The following NUP205 variants were observed in gnomAD, a reference collection of about 807,000 sequenced individuals.
The protein encoded by NUP205 is nucleoporin 205.
In NUP205, 76 loss-of-function variants were observed where a neutral mutation model predicts 253.8. The observed-to-expected ratio is 0.30, with a 90% CI of 0.25 to 0.36. NUP205 has a LOEUF of 0.36. Among genes scored for constraint, NUP205 ranks in the 10% least tolerant of loss-of-function variants. NUP205 has a pLI of 1.00. For missense variants in NUP205, 2,162 were observed against 2,425.5 expected (o/e 0.89, Z 2.28); for synonymous variants, 832 against 850.1 (o/e 0.98, Z 0.37).
intron 27 of NUP205, 49 bp from the exon 28 acceptor site, chr7:135,618,363 T>C: frequency 6.8e-7 from 1 of 1,472,006 alleles, no homozygotes; most frequent in Non-Finnish European, 9.5e-7. Flanking sequence ...GACAGATAAC[T>C]GATCTTATTT....
At chr7:135,600,001 A>C (rs1793929974) in intron 15 of NUP205, among the ~76,000 whole-genome samples, 1 of 152,186 alleles carries the variant, frequency 6.6e-6, no homozygotes, top group Non-Finnish European at 1.5e-5. Context: ...ACAGTGAATA[A>C]TATAAAAATA....
chr7:135,560,352 C>G lies in NUP205; in HGVS notation c.28+2380C>G, dbSNP rs144445442. Among the ~76,000 whole-genome samples the G allele has an allele frequency of 1.5e-3, 230 of 152,224 alleles. 1 individual carries two copies. The highest frequency in any genetic ancestry group is 5.1e-3 in the African/African-American group (212 of 41,530). Reference sequence around the variant, plus strand: ...AAGCTATTATAATTATTAAACAAATCATTGGAGGGAAAAGGAGTTGCCAAC... The same window carrying G: ...AAGCTATTATAATTATTAAACAAATGATTGGAGGGAAAAGGAGTTGCCAAC... On this transcript the variant is annotated intron_variant, in intron 1 of 42. Transcript: ENST00000285968.
chr7:135,641,347 G>A (rs1794912037), intron 38 of NUP205, among the ~76,000 whole-genome samples: 1 of 152,212 alleles, frequency 6.6e-6, no homozygotes, highest in Admixed American at 6.5e-5. Flanking sequence ...ACAATGTATT[G>A]TGAAAACTGT....
intron 31 of NUP205, 59 bp from the exon 32 acceptor site, chr7:135,625,105 A>T: frequency 6.4e-6 from 8 of 1,246,674 alleles, no homozygotes; most frequent in Non-Finnish European, 8.0e-6. Context: ...AAATTCAGTT[A>T]CTGTTGTTGA....
chr7:135,608,223 ATCATGTTGGCCAGGATGG>A (rs1015300223), intron 22 of NUP205, among the ~76,000 whole-genome samples: 1 of 151,938 alleles, frequency 6.6e-6, no homozygotes, highest in African/African-American at 2.4e-5. Flanking sequence ...ACAGGGTTTC[ATCATGTTGGCCAGGATGG>A]TCTCAATCTC....
chr7:135,622,735 T>G, intron 30 of NUP205, 42 bp from the exon 31 acceptor site: 7 of 1,596,182 alleles, frequency 4.4e-6, no homozygotes, highest in Non-Finnish European at 6.0e-6. Flanking sequence ...GTTATTACAC[T>G]GCTTTTTACT....
chr7:135,630,378 T>TA lies in NUP205; in HGVS notation c.4968dup (p.Gln1657ThrfsTer10). 1 of 1,606,310 alleles carries TA rather than the reference T, an allele frequency of 6.2e-7. No homozygotes were observed. Among genetic ancestry groups the TA allele is most frequent in the Non-Finnish European group, 8.5e-7 (1 of 1,176,190 alleles). On this transcript the variant is annotated frameshift_variant, in exon 35 of 43. Transcript: ENST00000285968. LOFTEE classifies it high-confidence loss of function. ...TTTCTTATTTCACATTCTGATACCA[T>TA]ACAAGCAATTCTGCGCTGTCAGGAT...
In NUP205 at chr7:135,587,935, T is replaced by G. The variant is rs1360284668; in HGVS notation, c.1416T>G (p.Thr472=). ...GGTGTCCCACAGAGCCTCTTCAGAC[T>G]CCGACTATCATGGGCTCTTATCTAG... The part of the protein sequence containing the change: ...EYWCPTEPLQ[T]PTIMGSYLGV... Residue 472 remains threonine (T), a synonymous_variant, in exon 10 of 43, where the codon ACT becomes ACG. Transcript: ENST00000285968. 6.2e-7 allele frequency: 1 copy of G among 1,613,934 alleles called. No homozygotes were observed. The highest frequency in any genetic ancestry group is 1.3e-5 in the African/African-American group (1 of 74,920).
intron 10 of NUP205, among the ~76,000 whole-genome samples, chr7:135,589,998 T>G (rs1032083611): frequency 7.3e-5 from 11 of 151,422 alleles, no homozygotes; most frequent in African/African-American, 2.7e-4. Context: ...ATGAAAAATT[T>G]GAAACATGTG....
intron 18 of NUP205, among the ~76,000 whole-genome samples, chr7:135,603,818 T>C (rs1264875537): frequency 6.6e-6 from 1 of 152,136 alleles, no homozygotes; most frequent in Non-Finnish European, 1.5e-5. Flanking sequence ...CCGAAATCTC[T>C]AAGTCTAAAA....
intron 13 of NUP205, 133 bp from the exon 14 acceptor site, chr7:135,597,235 G>C: frequency 1.7e-6 from 1 of 593,378 alleles, no homozygotes. Context: ...GGGACTAATT[G>C]ATTGTCATTT....
intron 17 of NUP205, 122 bp downstream of exon 17, chr7:135,601,629 T>G: frequency 9.4e-7 from 1 of 1,063,884 alleles, no homozygotes; most frequent in South Asian, 1.6e-5. Context: ...TCTCTCTGTA[T>G]CTGAAGTGGT....
At chr7:135,628,137 T>C (rs756668246) in intron 34 of NUP205, 26 bp downstream of exon 34, 10 of 1,599,790 alleles carry the variant, frequency 6.3e-6, no homozygotes, top group Non-Finnish European at 1.7e-6. Context: ...TGTTTAGATA[T>C]TGTCTAGAGC....
chr7:135,645,388 C>T (rs1252422408), intron 40 of NUP205, 80 bp from the exon 41 acceptor site: 1 of 1,446,050 alleles, frequency 6.9e-7, no homozygotes, highest in East Asian at 2.3e-5. Flanking sequence ...TGCAGTCTGT[C>T]CTTTTTTCTT....
Position 135,577,944 on chromosome 7 carries a change from C to G in NUP205, c.797C>G (p.Ala266Gly), listed in dbSNP as rs1806195905. The G allele has an allele frequency of 6.2e-7, 1 of 1,614,008 alleles. No homozygotes were observed. Among genetic ancestry groups the G allele is most frequent in the Non-Finnish European group, 8.5e-7 (1 of 1,179,952 alleles). ...GTTGAGGCTAATGGCTCACTGGATG[C>G]AGTGAATCTGGCTCTTCTTATGGCG... Reference protein sequence around the residue: ...VTVEANGSLDAVNLALLMALL... With the variant: ...VTVEANGSLDGVNLALLMALL... The change falls in exon 6 of 43, where the codon GCA becomes GGA. Residue 266 changes from alanine to glycine, a missense_variant. By Grantham distance (60) the Ala-to-Gly change is moderately conservative (BLOSUM62 0). Transcript: ENST00000285968.
rs1381675722 is a variant in NUP205, at chr7:135,570,026, G to GTT, written c.29-1076_29-1075dup. On this transcript the variant is annotated intron_variant, in intron 1 of 42. Coordinates refer to ENST00000285968, the MANE Select transcript of NUP205 (RefSeq NM_015135.3). The stretch of plus-strand genomic sequence containing the variant: ...GCTCTTTGAAGCAGATGGTGTTTAT[G>GTT]TTTTATATATATATATATATATATA... 4.3e-3 allele frequency among the ~76,000 whole-genome samples: 498 copies of GTT among 116,632 alleles called. 1 individual carries two copies. Among genetic ancestry groups the GTT allele is most frequent in the Admixed American group, 5.8e-3 (58 of 10,010 alleles). The allele number at this position is 116,632 out of a possible 152,430, so 76.5% of individuals were successfully genotyped here. A position where few individuals can be genotyped will look rare whatever the true frequency, so the allele number is the denominator to read the frequency against.
chr7:135,566,326 C>G (rs1805758224), intron 1 of NUP205, among the ~76,000 whole-genome samples: 2 of 152,016 alleles, frequency 1.3e-5, no homozygotes, highest in Admixed American at 1.3e-4. Flanking sequence ...CCAGACTGGT[C>G]TTGAACTCCT....
At chr7:135,630,842 C>G (rs1440554166) in intron 35 of NUP205, among the ~76,000 whole-genome samples, 2 of 151,930 alleles carry the variant, frequency 1.3e-5, no homozygotes, top group Non-Finnish European at 2.9e-5. Flanking sequence ...AGGAGGATTA[C>G]TTGAGTTGGG....
At position 135,620,082 on chromosome 7, in the gene NUP205, C is replaced by T. The variant is rs35766534; in HGVS notation, c.4330+194C>T. On this transcript the variant is annotated intron_variant, in intron 30 of 42. Transcript: ENST00000285968. ...AGAATTATGAAGTAGTACATGAGTA[C>T]TACTTTTAAGATAACCTTCAAATAA... 0.11 allele frequency among the ~76,000 whole-genome samples: 16,219 copies of T among 152,224 alleles called. 1,141 individuals are homozygous for T. Among genetic ancestry groups the T allele is most frequent in the Non-Finnish European group, 0.17 (11,318 of 68,016 alleles).
Sources: allele counts gnomAD v4.1 joint callset (sites outside exome capture counted in the v4.1 genomes callset), GRCh38; gene constraint gnomAD v4.1.1; transcripts MANE v1.5; gene names NCBI Gene and HGNC (gene_info 2026-07-23, HGNC 2026-07-21).